DMD: variants seen among roughly 807,000 people sequenced by gnomAD.
The protein encoded by DMD is dystrophin.
In DMD, 63 loss-of-function variants were observed where a neutral mutation model predicts 330.1. That is an observed-to-expected ratio of 0.19 (90% CI 0.16 to 0.24). The LOEUF (loss-of-function observed/expected upper bound fraction) is 0.24, where lower values mean the gene tolerates loss of function less well. Ranked by LOEUF, DMD falls within the 10% of genes least tolerant of loss-of-function variation. The pLI, the probability that DMD is intolerant of heterozygous loss-of-function variation, is 1.00. For missense variants in DMD, 3,344 were observed against 2,684.1 expected (o/e 1.25, Z -5.43); for synonymous variants, 1,223 against 959.8 (o/e 1.27, Z -5.07).
chrX:31,460,878 G>A (rs748569674), intron 59 of DMD, among the ~76,000 whole-genome samples: 1 of 111,721 alleles, frequency 9.0e-6, no homozygotes, highest in South Asian at 3.8e-4. Flanking sequence ...CACCACGGCC[G>A]GCCATGACTA....
intron 50 of DMD, among the ~76,000 whole-genome samples, chrX:31,814,198 T>C (rs1268404116): frequency 1.8e-5 from 2 of 110,093 alleles, no homozygotes; most frequent in African/African-American, 6.6e-5. Flanking sequence ...TAGAAAACTC[T>C]GGGCCGGGCG....
At chrX:32,444,492 T>G (rs1173162793) in intron 27 of DMD, among the ~76,000 whole-genome samples, 1 of 111,230 alleles carries the variant, frequency 9.0e-6, no homozygotes, top group Non-Finnish European at 1.9e-5. Context: ...AGTCATTAGT[T>G]GTAACAAATG....
At chrX:31,300,748 G>T (rs935643827) in intron 62 of DMD, among the ~76,000 whole-genome samples, 2 of 111,686 alleles carry the variant, frequency 1.8e-5, no homozygotes, top group Non-Finnish European at 3.8e-5. Flanking sequence ...CTTTTTCTAT[G>T]TTTTCCACAG....
chrX:32,908,582 C>T (rs764228413), intron 2 of DMD, among the ~76,000 whole-genome samples: 1 of 111,944 alleles, frequency 8.9e-6, no homozygotes, highest in East Asian at 2.8e-4. Flanking sequence ...TCTTTCTTCT[C>T]ATGAGACTTT....
chrX:32,342,338 C>T, intron 40 of DMD, 56 bp from the exon 41 acceptor site: 3 of 1,146,444 alleles, frequency 2.6e-6, no homozygotes, highest in South Asian at 3.7e-5. Flanking sequence ...CATCAACCGA[C>T]TTGCAAGCAG....
chrX:31,320,488 TAAA>T (rs1291365273), intron 62 of DMD, among the ~76,000 whole-genome samples: 1 of 111,941 alleles, frequency 8.9e-6, no homozygotes, highest in African/African-American at 3.2e-5. Flanking sequence ...ACAAACAAGA[TAAA>T]AAAGAGGAAA....
chrX:31,709,796 T>C (rs779288315), intron 52 of DMD, among the ~76,000 whole-genome samples: 12 of 111,724 alleles, frequency 1.1e-4, no homozygotes, highest in African/African-American at 3.6e-4. Flanking sequence ...TTCTATTATA[T>C]ATGTCTACTT....
intron 76 of DMD, among the ~76,000 whole-genome samples, chrX:31,134,496 C>T (rs1602039777): frequency 9.4e-6 from 1 of 106,134 alleles, no homozygotes; most frequent in Non-Finnish European, 1.9e-5. Context: ...GATCTTGGCT[C>T]ACTGCAACCT....
At chrX:32,892,319 G>A (rs1157401149) in intron 2 of DMD, among the ~76,000 whole-genome samples, 8 of 112,196 alleles carry the variant, frequency 7.1e-5, no homozygotes, top group Non-Finnish European at 1.3e-4. Context: ...AGCATCACCC[G>A]AGGAGCTTTT....
At position 32,376,183 on chromosome X, in the gene DMD, G is replaced by A. The variant is rs1423079972; in HGVS notation, c.4845+4327C>T. ...GTAATCCCAGCTACCCGGGAGGCTG[G>A]GGCAGGAGAACTGCTTGAACCCAGG... On this transcript the variant is annotated intron_variant, in intron 34 of 78. Transcript: ENST00000357033. Among the ~76,000 whole-genome samples, 3 of 111,435 alleles carry A rather than the reference G, an allele frequency of 2.7e-5. No individual in the cohort carries two copies. The East Asian group carries it at 8.5e-4, about 32-fold the overall frequency.
At chrX:31,289,827 T>C (rs1044229837) in intron 62 of DMD, among the ~76,000 whole-genome samples, 1 of 110,576 alleles carries the variant, frequency 9.0e-6, no homozygotes, top group Non-Finnish European at 1.9e-5. Context: ...TAATTTATTT[T>C]TTAGTTTAGT....
In DMD at chrX:32,274,310, T is replaced by G. The variant is rs888461938; in HGVS notation, c.6290+13219A>C. Among the ~76,000 whole-genome samples the G allele has an allele frequency of 4.5e-5, 5 of 112,120 alleles. No homozygotes were observed. In the East Asian group the frequency reaches 1.4e-3, roughly 31 times the overall value. ...ATCCTGGGAAACAAAAATGTTCAAT[T>G]ACTTTGAGAAAAAGACTGGGGATAT... On this transcript the variant is annotated intron_variant, in intron 43 of 78. Transcript: ENST00000357033.
intron 44 of DMD, among the ~76,000 whole-genome samples, chrX:32,189,376 A>G (rs1056662957): frequency 2.0e-4 from 22 of 110,084 alleles, no homozygotes; most frequent in Non-Finnish European, 3.0e-4. Flanking sequence ...ACTACAAAAA[A>G]AAAAAAAACA....
chrX:32,421,771 C>A lies in DMD; in HGVS notation c.4072-9858G>T, dbSNP rs372759547. On this transcript the variant is annotated intron_variant, in intron 29 of 78. Transcript: ENST00000357033. Reference sequence around the variant, plus strand: ...GCATGGGAGAAGAATAAACAGGTTTCCGGTGTGACGCTTTAACTTGTAGGA... The same window carrying A: ...GCATGGGAGAAGAATAAACAGGTTTACGGTGTGACGCTTTAACTTGTAGGA... Among the ~76,000 whole-genome samples, 66 of 111,757 alleles carry A rather than the reference C, an allele frequency of 5.9e-4. 2 individuals carry two copies. In the South Asian group the frequency reaches 0.023, roughly 39 times the overall value.
chrX:33,060,915 T>A (rs1390756594), intron 1 of DMD, among the ~76,000 whole-genome samples: 1 of 111,776 alleles, frequency 8.9e-6, no homozygotes, highest in Non-Finnish European at 1.9e-5. Context: ...GTGACGTAGG[T>A]TCAGAAACAT....
chrX:31,928,457 T>C (rs2094809841), intron 47 of DMD, among the ~76,000 whole-genome samples: 1 of 110,768 alleles, frequency 9.0e-6, no homozygotes, highest in Non-Finnish European at 1.9e-5. Context: ...ATACAAAAAC[T>C]TAGCTGGGCA....
chrX:31,178,139 G>C (rs1040432973), intron 70 of DMD, 169 bp from the exon 71 acceptor site: 3 of 736,198 alleles, frequency 4.1e-6, no homozygotes, highest in African/African-American at 4.7e-5. Context: ...ACAGTTGTGT[G>C]ACTGCCATCA....
At chrX:31,591,297 A>G (rs991728436) in intron 55 of DMD, among the ~76,000 whole-genome samples, 1 of 111,263 alleles carries the variant, frequency 9.0e-6, no homozygotes, top group South Asian at 3.8e-4. Context: ...TGAAGAGAAC[A>G]AGAATAGCCC....
chrX:32,211,758 C>T (rs56037553), intron 44 of DMD, among the ~76,000 whole-genome samples: 26,502 of 110,864 alleles, frequency 0.24, 2,469 homozygotes, highest in East Asian at 0.44. Flanking sequence ...CAACGTTCTG[C>T]AGGAAATACT....
Sources: allele counts gnomAD v4.1 joint callset (sites outside exome capture counted in the v4.1 genomes callset), GRCh38; gene constraint gnomAD v4.1.1; transcripts MANE v1.5; gene names NCBI Gene and HGNC (gene_info 2026-07-23, HGNC 2026-07-21).